Variants in C6 observed in about 807,000 individuals in gnomAD.
C6 encodes complement C6, also known as complement component C6.
A neutral mutation model predicts 112.9 loss-of-function variants in C6; 101 were observed. The ratio of observed to expected loss-of-function variants is 0.89; its 90% CI spans 0.76 to 1.06. The LOEUF (loss-of-function observed/expected upper bound fraction) is 1.06, where lower values mean the gene tolerates loss of function less well. C6 is among the 50% of genes least tolerant of loss of function. C6 has a pLI of 0.00. For synonymous variants in C6, 431 were observed against 384.1 expected, an observed-to-expected ratio of 1.12 and a Z score of -1.43; for missense variants, 1,202 against 1,104.6, an observed-to-expected ratio of 1.09 and a Z score of -1.25.
intron 9 of C6, among the ~76,000 whole-genome samples, chr5:41,162,333 T>C (rs996755360): frequency 1.3e-5 from 2 of 152,180 alleles, no homozygotes; most frequent in Admixed American, 6.6e-5. Flanking sequence ...ATAAGTCACA[T>C]GGCTTCTGAT....
intron 1 of C6, among the ~76,000 whole-genome samples, chr5:41,205,506 C>T (rs12332366): frequency 0.16 from 24,824 of 152,128 alleles, 2,120 homozygotes; most frequent in Admixed American, 0.23. Context: ...CCTGGAAAAT[C>T]GGGACACTCC....
At position 41,250,102 on chromosome 5, in the gene C6, T is replaced by A. The variant is rs1002281888; in HGVS notation, c.-21+11092A>T. Among the ~76,000 whole-genome samples, 3 of 152,216 alleles carry A rather than the reference T, an allele frequency of 2.0e-5. No individual in the cohort carries two copies. In the East Asian group the frequency reaches 5.8e-4, roughly 29 times the overall value. The stretch of plus-strand genomic sequence containing the variant: ...CTTTTAACTAGGGACAAATTATCCA[T>A]AGTTAATGGTATCGGGGGAATTTAA... On this transcript the variant is annotated intron_variant, in intron 1 of 17. Coordinates refer to the C6 transcript ENST00000263413.
chr5:41,189,764 C>T (rs1580150600), intron 5 of C6, among the ~76,000 whole-genome samples: 1 of 151,984 alleles, frequency 6.6e-6, no homozygotes, highest in East Asian at 1.9e-4. Flanking sequence ...TCTTCCTATC[C>T]TCCCCTTCCC....
At chr5:41,178,047 G>A (rs1337218095) in intron 7 of C6, among the ~76,000 whole-genome samples, 1 of 152,094 alleles carries the variant, frequency 6.6e-6, no homozygotes, top group Admixed American at 6.5e-5. Context: ...GAAAATACAA[G>A]TTAAACTTTG....
intron 8 of C6, among the ~76,000 whole-genome samples, chr5:41,174,159 T>G (rs1748653461): frequency 6.6e-6 from 1 of 152,234 alleles, no homozygotes; most frequent in African/African-American, 2.4e-5. Flanking sequence ...GATGAATATT[T>G]TTTATGACAT....
intron 4 of C6, among the ~76,000 whole-genome samples, chr5:41,198,781 T>C (rs1228826165): frequency 2.0e-5 from 3 of 152,218 alleles, no homozygotes; most frequent in Non-Finnish European, 4.4e-5. Context: ...AGAGTCTTTT[T>C]TGCTTATATG....
chr5:41,254,908 G>A (rs1741588101), intron 1 of C6, among the ~76,000 whole-genome samples: 1 of 151,588 alleles, frequency 6.6e-6, no homozygotes, highest in African/African-American at 2.4e-5. Context: ...CAAATGAGTA[G>A]ACAGGTATAG....
intron 1 of C6, among the ~76,000 whole-genome samples, chr5:41,245,732 G>A (rs1443050560): frequency 1.3e-5 from 2 of 151,372 alleles, no homozygotes; most frequent in East Asian, 3.9e-4. Context: ...AAATTACATT[G>A]ATTGATTTTT....
chr5:41,240,013 T>C (rs1009223828), intron 1 of C6, among the ~76,000 whole-genome samples: 3 of 152,204 alleles, frequency 2.0e-5, no homozygotes, highest in African/African-American at 7.2e-5. Context: ...TAGACACTTT[T>C]CTCTTGATGT....
Position 41,186,064 on chromosome 5 carries a change from T to C in C6, c.726+6A>G. 1.9e-6 allele frequency: 3 copies of C among 1,613,908 alleles called. No individual in the cohort carries two copies. The highest frequency in any genetic ancestry group is 2.5e-6 in the Non-Finnish European group (3 of 1,179,860). ...TTGGAGTTGCCACCATGCTAGGCTG[T>C]CATACCTCAAAGCCGACATTTTCCA... is the stretch of plus-strand genomic sequence containing the variant. On this transcript the variant is annotated splice_donor_region_variant and intron_variant, in intron 6 of 17. Coordinates refer to ENST00000337836, the MANE Select transcript of C6 (RefSeq NM_000065.5).
At chr5:41,245,010 A>G (rs988758933) in intron 1 of C6, among the ~76,000 whole-genome samples, 3 of 152,060 alleles carry the variant, frequency 2.0e-5, no homozygotes, top group Admixed American at 2.0e-4. Flanking sequence ...GCACTTGGTC[A>G]TGGTTTATTT....
chr5:41,224,014 A>G (rs1353721041), intron 1 of C6, among the ~76,000 whole-genome samples: 1 of 152,192 alleles, frequency 6.6e-6, no homozygotes, highest in African/African-American at 2.4e-5. Context: ...ATCTGGAAAT[A>G]ATGTCAACAA....
chr5:41,211,552 GTCCCAAACATTTGGGAGCTGAGGC>G (rs940546561), intron 1 of C6, among the ~76,000 whole-genome samples: 1 of 151,916 alleles, frequency 6.6e-6, no homozygotes, highest in African/African-American at 2.4e-5. Context: ...TATAATGTGA[GTCCCAAACATTTGGGAGCTGAGGC>G]TCCCAAATAA....
intron 1 of C6, among the ~76,000 whole-genome samples, chr5:41,247,036 A>G (rs1741062593): frequency 6.6e-6 from 1 of 152,224 alleles, no homozygotes; most frequent in Non-Finnish European, 1.5e-5. Context: ...ATCATTACTT[A>G]GATCAAATGT....
intron 13 of C6, among the ~76,000 whole-genome samples, 154 bp downstream of exon 13, chr5:41,158,520 G>T (rs1417252744): frequency 6.6e-6 from 1 of 152,192 alleles, no homozygotes; most frequent in Non-Finnish European, 1.5e-5. Flanking sequence ...ATTCAAGATG[G>T]AAGAGTGGCA....
chr5:41,231,136 A>T (rs1346200243), intron 1 of C6, among the ~76,000 whole-genome samples: 1 of 152,110 alleles, frequency 6.6e-6, no homozygotes, highest in Non-Finnish European at 1.5e-5. Context: ...TTGTTTTCTT[A>T]AAATACATTT....
At chr5:41,155,189 C>T in intron 13 of C6, 85 bp from the exon 14 acceptor site, 2 of 1,311,138 alleles carry the variant, frequency 1.5e-6, no homozygotes, top group Non-Finnish European at 2.2e-6. Context: ...CCTTTCTATC[C>T]TTCACTTCTG....
At chr5:41,210,070 A>G (rs547266131) in intron 1 of C6, among the ~76,000 whole-genome samples, 1 of 152,244 alleles carries the variant, frequency 6.6e-6, no homozygotes, top group African/African-American at 2.4e-5. Context: ...CCACACGTCT[A>G]CAGCCATCTG....
chr5:41,182,699 T>C (rs1305660847), intron 6 of C6, among the ~76,000 whole-genome samples: 1 of 152,232 alleles, frequency 6.6e-6, no homozygotes, highest in Non-Finnish European at 1.5e-5. Flanking sequence ...GCTAAAAGCA[T>C]GCCTAAAGAA....
Sources: allele counts gnomAD v4.1 joint callset (sites outside exome capture counted in the v4.1 genomes callset), GRCh38; gene constraint gnomAD v4.1.1; transcripts MANE v1.5; gene names NCBI Gene and HGNC (gene_info 2026-07-23, HGNC 2026-07-21).